The following TMTC3 variants were observed in gnomAD, a reference collection of about 807,000 sequenced individuals.
The protein encoded by TMTC3 is transmembrane O-mannosyltransferase targeting cadherins 3, also known as protein O-mannosyl-transferase TMTC3.
A neutral mutation model predicts 92.2 loss-of-function variants in TMTC3; 52 were observed. That is an observed-to-expected ratio of 0.56 (90% confidence interval 0.45 to 0.71). The LOEUF is 0.71. TMTC3 is among the 30% of genes least tolerant of loss of function. The pLI is 0.00. For synonymous variants in TMTC3, 339 were observed against 363.3 expected, an observed-to-expected ratio of 0.93 and a Z score of 0.76; for missense variants, 896 against 1,057.1, an observed-to-expected ratio of 0.85 and a Z score of 2.11.
At chr12:88,151,997 G>A (rs979056492) in intron 2 of TMTC3, among the ~76,000 whole-genome samples, 4 of 152,168 alleles carry the variant, frequency 2.6e-5, no homozygotes, top group Admixed American at 1.3e-4. Context: ...GTTTCCTAAT[G>A]TTCCCTACTA....
intron 3 of TMTC3, among the ~76,000 whole-genome samples, chr12:88,153,995 G>T (rs1029788821): frequency 1.3e-5 from 2 of 151,912 alleles, no homozygotes; most frequent in Non-Finnish European, 2.9e-5. Context: ...GTTACCATTG[G>T]AGAAAGCTGG....
At chr12:88,159,889 A>G (rs1373527689) in intron 4 of TMTC3, among the ~76,000 whole-genome samples, 2 of 152,020 alleles carry the variant, frequency 1.3e-5, no homozygotes, top group African/African-American at 2.4e-5. Flanking sequence ...TGATGAAATA[A>G]TTTTTCTCTT....
intron 3 of TMTC3, among the ~76,000 whole-genome samples, 163 bp from the exon 4 acceptor site, chr12:88,154,124 TA>T (rs1285674033): frequency 2.0e-5 from 3 of 152,102 alleles, no homozygotes; most frequent in Non-Finnish European, 4.4e-5. Context: ...AATGTCTATT[TA>T]TGTAAGATTC....
chr12:88,192,694 T>G lies in TMTC3; in HGVS notation c.1797T>G (p.Leu599=). The G allele has an allele frequency of 6.2e-7, 1 of 1,613,538 alleles. No homozygotes were observed. The highest frequency in any genetic ancestry group is 8.5e-7 in the Non-Finnish European group (1 of 1,179,678). Reference sequence around the variant, plus strand: ...AGCTGGACAGAAATAATGCAGATCTTTGGTACAACTTGGCAATTGTACATA... The same window carrying G: ...AGCTGGACAGAAATAATGCAGATCTGTGGTACAACTTGGCAATTGTACATA... The part of the protein sequence containing the change: ...ALELDRNNAD[L]WYNLAIVHIE... Residue 599 remains leucine, a synonymous_variant, in exon 13 of 14, where the codon CTT becomes CTG. Coordinates refer to ENST00000266712, the MANE Select transcript of TMTC3 (RefSeq NM_181783.4).
intron 8 of TMTC3, 47 bp downstream of exon 8, chr12:88,172,792 G>A: frequency 6.4e-7 from 1 of 1,560,652 alleles, no homozygotes; most frequent in Non-Finnish European, 8.6e-7. Flanking sequence ...GGAATTAAGT[G>A]TGACACATTT....
In TMTC3 at chr12:88,174,844, T is replaced by C. The variant is rs1329436021; in HGVS notation, c.1320+117T>C. 19 of 1,229,838 alleles carry C rather than the reference T, an allele frequency of 1.5e-5. No individual in the cohort carries two copies. The Admixed American group carries it at 4.3e-4, about 28-fold the overall frequency. The allele number at this position is 1,229,838 out of a possible 1,614,324, so 76.2% of individuals were successfully genotyped here. A position where few individuals can be genotyped will look rare whatever the true frequency, so the allele number is the denominator to read the frequency against. ...ATTTAACAGTCAATATTAAGTACTT[T>C]ACTAAAAGATTAATGAAAATAATTT... On this transcript the variant is annotated intron_variant, in intron 9 of 13. Coordinates refer to ENST00000266712, the MANE Select transcript of TMTC3 (RefSeq NM_181783.4).
At position 88,153,573 on chromosome 12, in the gene TMTC3, A is replaced by G. The variant is rs2040969963; in HGVS notation, c.408+64A>G. On this transcript the variant is annotated intron_variant, in intron 3 of 13. Coordinates refer to ENST00000266712, the MANE Select transcript of TMTC3 (RefSeq NM_181783.4). Reference sequence around the variant, plus strand: ...TTTTTACAAATCCTGCACAGTGATTATAATGGTATATATTTTTAAGAAAAA... The same window carrying G: ...TTTTTACAAATCCTGCACAGTGATTGTAATGGTATATATTTTTAAGAAAAA... 6 of 879,646 alleles carry G rather than the reference A, an allele frequency of 6.8e-6. No homozygotes were observed. The East Asian group carries it at 7.8e-5, about 11-fold the overall frequency. 54.5% of individuals were successfully genotyped at this position (879,646 alleles called of 1,614,324 possible).
intron 6 of TMTC3, among the ~76,000 whole-genome samples, chr12:88,161,323 G>T (rs1029676259): frequency 3.3e-5 from 5 of 152,142 alleles, no homozygotes; most frequent in African/African-American, 1.2e-4. Context: ...TATTAAATGA[G>T]CTTCATCCCT....
At chr12:88,174,358 A>G (rs575007802) in intron 8 of TMTC3, among the ~76,000 whole-genome samples, 1 of 152,224 alleles carries the variant, frequency 6.6e-6, no homozygotes, top group Non-Finnish European at 1.5e-5. Context: ...CATTTATTTT[A>G]AACAGAGCTT....
chr12:88,191,436 T>C (rs1769166520), intron 12 of TMTC3, among the ~76,000 whole-genome samples: 1 of 152,194 alleles, frequency 6.6e-6, no homozygotes, highest in Admixed American at 6.5e-5. Flanking sequence ...TTAATTGTTG[T>C]TCCTTTTATT....
chr12:88,159,522 A>G (rs868724991), intron 4 of TMTC3, among the ~76,000 whole-genome samples: 1 of 151,942 alleles, frequency 6.6e-6, no homozygotes, highest in Non-Finnish European at 1.5e-5. Flanking sequence ...AAATAGCCAG[A>G]TGTGGTGGCA....
At chr12:88,175,668 C>T (rs1431565605) in intron 9 of TMTC3, among the ~76,000 whole-genome samples, 1 of 152,168 alleles carries the variant, frequency 6.6e-6, no homozygotes, top group Non-Finnish European at 1.5e-5. Context: ...ACTCCCAGGA[C>T]AGTGGTTGGA....
intron 1 of TMTC3, among the ~76,000 whole-genome samples, chr12:88,145,737 G>A (rs187649803): frequency 5.9e-5 from 9 of 152,306 alleles, no homozygotes; most frequent in East Asian, 1.9e-4. Context: ...AGCACTTTAC[G>A]TGAGATAAGA....
rs749389348 is a variant in TMTC3 at position 88,199,151 on chromosome 12, A to G, written c.*3502A>G. ...GAGAAAGACATTAAATAAGTTTCTGAGAGTGATACATTTTCAAACATGAGG... is the reference window on the plus strand; with the variant it reads ...GAGAAAGACATTAAATAAGTTTCTGGGAGTGATACATTTTCAAACATGAGG... On this transcript the variant is annotated 3_prime_UTR_variant, in exon 14 of 14. Coordinates refer to ENST00000266712, the MANE Select transcript of TMTC3 (RefSeq NM_181783.4). 6.6e-5 allele frequency: 10 copies of G among 152,014 alleles called. No homozygotes were observed. The highest frequency in any genetic ancestry group is 9.7e-5 in the African/African-American group (4 of 41,448). The allele number at this position is 152,014 out of a possible 1,614,324, so 9.4% of individuals were successfully genotyped here.
At position 88,177,691 on chromosome 12, in the gene TMTC3, C is replaced by T. The variant is rs559432609; in HGVS notation, c.1432+1372C>T. ...ACATGGCCCCCCATCCACCAAATGC[C>T]ATCATTATTTTCCATTCAGAGTGAT... On this transcript the variant is annotated intron_variant, in intron 10 of 13. Transcript: ENST00000266712. Among the ~76,000 whole-genome samples, 6 of 152,256 alleles carry T rather than the reference C, an allele frequency of 3.9e-5. No individual in the cohort carries two copies. The South Asian group carries it at 1.2e-3, about 32-fold the overall frequency.
intron 4 of TMTC3, among the ~76,000 whole-genome samples, chr12:88,156,963 C>G (rs1035606987): frequency 6.6e-6 from 1 of 151,810 alleles, no homozygotes; most frequent in Non-Finnish European, 1.5e-5. Context: ...GTTTTCTATA[C>G]CTTTAACTTG....
At chr12:88,148,531 T>C (rs1292051187) in intron 2 of TMTC3, 27 bp downstream of exon 2, 4 of 1,462,548 alleles carry the variant, frequency 2.7e-6, no homozygotes, top group East Asian at 2.3e-5. Context: ...ATATTACTTG[T>C]ACATGTCTCA....
chr12:88,160,348 T>C, intron 5 of TMTC3, 119 bp downstream of exon 5: 1 of 596,540 alleles, frequency 1.7e-6, no homozygotes, highest in Non-Finnish European at 2.7e-6. Context: ...TGTTTACCAA[T>C]AATAATACCA....
At chr12:88,150,366 A>G (rs1386644429) in intron 2 of TMTC3, among the ~76,000 whole-genome samples, 1 of 152,054 alleles carries the variant, frequency 6.6e-6, no homozygotes, top group Non-Finnish European at 1.5e-5. Flanking sequence ...TAATAATCCA[A>G]TCATTTCCCA....
Sources: allele counts gnomAD v4.1 joint callset (sites outside exome capture counted in the v4.1 genomes callset), GRCh38; gene constraint gnomAD v4.1.1; transcripts MANE v1.5; gene names NCBI Gene and HGNC (gene_info 2026-07-23, HGNC 2026-07-21).